RGS7: variants seen among roughly 807,000 people sequenced by gnomAD.
The protein encoded by RGS7 is regulator of G-protein signaling 7.
A neutral mutation model predicts 81.1 loss-of-function variants in RGS7; 27 were observed. The observed-to-expected ratio is 0.33, with a 90% CI of 0.25 to 0.46. The LOEUF (loss-of-function observed/expected upper bound fraction) is 0.46, where lower values mean the gene tolerates loss of function less well. Ranked by LOEUF, RGS7 falls within the 20% of genes least tolerant of loss-of-function variation. The pLI is 1.00. For missense variants in RGS7, 396 were observed against 607.4 expected (o/e 0.65, Z 3.66); for synonymous variants, 208 against 207.7 (o/e 1.00, Z -0.01).
At chr1:241,071,713 A>T (rs985165488) in intron 3 of RGS7, among the ~76,000 whole-genome samples, 8 of 151,588 alleles carry the variant, frequency 5.3e-5, no homozygotes, top group Non-Finnish European at 8.8e-5. Flanking sequence ...CTACAAAAAA[A>T]TTTAAAAAAA....
intron 2 of RGS7, among the ~76,000 whole-genome samples, chr1:241,215,309 C>T (rs1341368893): frequency 6.6e-6 from 1 of 152,176 alleles, no homozygotes; most frequent in Non-Finnish European, 1.5e-5. Flanking sequence ...TATAGGTTTT[C>T]AGTGAAAAGT....
chr1:241,164,153 G>T lies in RGS7; in HGVS notation c.79-65391C>A, dbSNP rs909596121. Among the ~76,000 whole-genome samples, 1 of 152,142 alleles carries T rather than the reference G, an allele frequency of 6.6e-6. No individual in the cohort carries two copies. Among genetic ancestry groups the T allele is most frequent in the Non-Finnish European group, 1.5e-5 (1 of 68,020 alleles). ...ATATTACAAAGGATACAGGTGAAGA[G>T]ATGCATAGGGTGAGGTATGGAGGAA... is the stretch of plus-strand genomic sequence containing the variant. On this transcript the variant is annotated intron_variant, in intron 2 of 18. Coordinates refer to ENST00000440928, the MANE Select transcript of RGS7 (RefSeq NM_001364886.1). This position sits in a 1 kb window ranked among gnomAD's most constrained non-coding sequence, Gnocchi z 4.1.
At chr1:241,070,174 T>C (rs973682796) in intron 3 of RGS7, among the ~76,000 whole-genome samples, 1 of 152,126 alleles carries the variant, frequency 6.6e-6, no homozygotes, top group African/African-American at 2.4e-5. Context: ...TCTGGAAACA[T>C]GAGTAGAAGA....
At chr1:240,823,323 A>T (rs1340948254) in intron 10 of RGS7, 1 of 565,070 alleles carries the variant, frequency 1.8e-6, no homozygotes, top group Admixed American at 2.4e-5. Context: ...CAACTGGAAG[A>T]TTAGCTACTA....
At chr1:240,903,668 G>A (rs1670370152) in intron 6 of RGS7, among the ~76,000 whole-genome samples, 1 of 152,140 alleles carries the variant, frequency 6.6e-6, no homozygotes, top group Non-Finnish European at 1.5e-5. Flanking sequence ...GCCTCATGTT[G>A]AAATCTGATC....
chr1:241,320,984 A>T (rs911667428), intron 2 of RGS7, among the ~76,000 whole-genome samples: 1 of 152,242 alleles, frequency 6.6e-6, no homozygotes, highest in Non-Finnish European at 1.5e-5. Flanking sequence ...GGCATAAAAA[A>T]TAACAAAATC....
chr1:241,293,625 A>G (rs2079215241), intron 2 of RGS7, among the ~76,000 whole-genome samples: 1 of 152,236 alleles, frequency 6.6e-6, no homozygotes, highest in Non-Finnish European at 1.5e-5. Context: ...AAAGGCTTAT[A>G]GAATAAGAAT....
intron 3 of RGS7, among the ~76,000 whole-genome samples, chr1:241,089,958 C>T (rs111769843): frequency 0.035 from 4,972 of 143,504 alleles, 292 homozygotes; most frequent in African/African-American, 0.12. Context: ...CGCGCCACTG[C>T]ACTCCAGCCT....
chr1:241,279,994 G>T (rs72760556), intron 2 of RGS7, among the ~76,000 whole-genome samples: 45,761 of 151,970 alleles, frequency 0.3, 7,232 homozygotes, highest in African/African-American at 0.39. Flanking sequence ...CCAGTTTGGG[G>T]TTTTTTGTGG....
intron 3 of RGS7, among the ~76,000 whole-genome samples, chr1:241,039,026 C>T (rs72758832): frequency 0.043 from 6,578 of 151,962 alleles, 196 homozygotes; most frequent in Admixed American, 0.076. Context: ...TCAGGCAGCT[C>T]GTCAAGGAGA....
Position 241,123,259 on chromosome 1 carries a change from T to G in RGS7, c.79-24497A>C, listed in dbSNP as rs531939003. Among the ~76,000 whole-genome samples, 25 of 152,288 alleles carry G rather than the reference T, an allele frequency of 1.6e-4. No homozygotes were observed. In the East Asian group the frequency reaches 4.3e-3, roughly 26 times the overall value. The stretch of plus-strand genomic sequence containing the variant: ...TCTTTTTCATCACTCATTCATTATT[T>G]AATCAGCCTATCTACCTCACCAAGG... On this transcript the variant is annotated intron_variant, in intron 2 of 18. Transcript: ENST00000440928.
chr1:241,000,187 C>T (rs921144321), intron 3 of RGS7, among the ~76,000 whole-genome samples: 2 of 152,080 alleles, frequency 1.3e-5, no homozygotes, highest in African/African-American at 4.8e-5. Flanking sequence ...AGTCTCCTCT[C>T]GTGATCTTCA....
intron 3 of RGS7, among the ~76,000 whole-genome samples, chr1:241,027,292 C>T (rs1356845181): frequency 6.6e-6 from 1 of 150,988 alleles, no homozygotes; most frequent in Non-Finnish European, 1.5e-5. Flanking sequence ...GGAGGAGAAA[C>T]TTGGGAAGTG....
chr1:241,220,258 G>A (rs1292360416), intron 2 of RGS7, among the ~76,000 whole-genome samples: 1 of 152,118 alleles, frequency 6.6e-6, no homozygotes. Context: ...CCTAAGTAAG[G>A]AATTCTTACC....
At chr1:240,855,308 C>CAAAAAAAAAAAAAAAAAAAAAA (rs758331434) in intron 9 of RGS7, among the ~76,000 whole-genome samples, 1 of 14,920 alleles carries the variant, frequency 6.7e-5, no homozygotes, top group African/African-American at 1.8e-4. Context: ...GACCATGTCT[C>CAAAAAAAAAAAAAAAAAAAAAA]AAAAAAAAAA....
chr1:240,920,545 C>T, intron 6 of RGS7: 1 of 857,426 alleles, frequency 1.2e-6, no homozygotes, highest in Non-Finnish European at 2.0e-6. Context: ...TTTGTCAAAC[C>T]ATGAAACTAA....
At chr1:240,874,309 GAGA>G (rs1664984140) in intron 6 of RGS7, among the ~76,000 whole-genome samples, 1 of 152,162 alleles carries the variant, frequency 6.6e-6, no homozygotes, top group African/African-American at 2.4e-5. Context: ...AATTGTGGGT[GAGA>G]AGAAGTGTGA....
chr1:241,169,997 T>G (rs1451434877), intron 2 of RGS7, among the ~76,000 whole-genome samples: 5 of 151,976 alleles, frequency 3.3e-5, no homozygotes, highest in Non-Finnish European at 7.4e-5. Context: ...ACATCCCTGA[T>G]GAAATCTCAC....
chr1:240,795,239 TA>T (rs1177406110), intron 18 of RGS7, among the ~76,000 whole-genome samples: 4 of 137,098 alleles, frequency 2.9e-5, no homozygotes, highest in African/African-American at 1.1e-4. Flanking sequence ...CAAACCAAGT[TA>T]AAAATCATTT....
Sources: allele counts gnomAD v4.1 joint callset (sites outside exome capture counted in the v4.1 genomes callset), GRCh38; gene constraint gnomAD v4.1.1; non-coding constraint Gnocchi (gnomAD v3.1); transcripts MANE v1.5; gene names NCBI Gene and HGNC (gene_info 2026-07-23, HGNC 2026-07-21).